The following MRPL21 variants were observed in gnomAD, a reference collection of about 807,000 sequenced individuals.
MRPL21 encodes mitochondrial ribosomal protein L21.
In MRPL21, 20 loss-of-function variants were observed where a neutral mutation model predicts 27.3. The observed-to-expected ratio is 0.73, with a 90% confidence interval of 0.52 to 1.06. The LOEUF is 1.06. Among genes scored for constraint, MRPL21 ranks in the 50% least tolerant of loss-of-function variants. The pLI, the probability that MRPL21 is intolerant of heterozygous loss-of-function variation, is 0.00. For synonymous variants in MRPL21, 98 were observed against 101.5 expected (o/e 0.97, Z 0.21); for missense variants, 249 against 251.4 (o/e 0.99, Z 0.06).
chr11:68,897,668 C>G (rs564872637), intron 3 of MRPL21: 2 of 534,772 alleles, frequency 3.7e-6, no homozygotes, highest in African/African-American at 3.8e-5. Context: ...CAGAAGCAGA[C>G]GAGATGGAGC....
In MRPL21 at chr11:68,894,430, A is replaced by C. The variant is rs1857734613; in HGVS notation, c.397-975T>G. ...TGAGTAGCTGGGACTACAGGCGCCC[A>C]CCACAAACCCCGGCTAATTTTTTTT... On this transcript the variant is annotated intron_variant, in intron 4 of 6. Coordinates refer to ENST00000362034, the MANE Select transcript of MRPL21 (RefSeq NM_181514.2). 3.3e-5 allele frequency among the ~76,000 whole-genome samples: 5 copies of C among 152,212 alleles called. No individual in the cohort carries two copies. In the South Asian group the frequency reaches 1.0e-3, roughly 32 times the overall value.
chr11:68,891,993 A>T, intron 6 of MRPL21: 4 of 950,384 alleles, frequency 4.2e-6, no homozygotes, highest in Non-Finnish European at 4.3e-6. Flanking sequence ...TTGCGGATTC[A>T]CTGCTGCTTT....
At chr11:68,896,053 T>A (rs1011606412) in intron 4 of MRPL21, among the ~76,000 whole-genome samples, 1 of 152,236 alleles carries the variant, frequency 6.6e-6, no homozygotes, top group Non-Finnish European at 1.5e-5. Context: ...TGTTTACTAT[T>A]TAAAAACAGC....
rs572977220 is a variant in MRPL21, at chr11:68,898,108, C to A, written c.147-96G>T. 6.1e-5 allele frequency: 63 copies of A among 1,030,428 alleles called. No homozygotes were observed. In the East Asian group the frequency reaches 1.5e-3, roughly 24 times the overall value. 63.8% of individuals were successfully genotyped at this position (1,030,428 alleles called of 1,614,324 possible). A position where few individuals can be genotyped will look rare whatever the true frequency, so the allele number is the denominator to read the frequency against. The stretch of plus-strand genomic sequence containing the variant: ...CCACACACAAATGTTAGGAAGGGAT[C>A]CCCGGCAACAAAAGGCTCGCTCTTT... On this transcript the variant is annotated intron_variant, in intron 2 of 6. Coordinates refer to ENST00000362034, the MANE Select transcript of MRPL21 (RefSeq NM_181514.2).
At position 68,900,460 on chromosome 11, in the gene MRPL21, G is replaced by C. The variant is rs557566044; in HGVS notation, c.146+88C>G. 1.4e-5 allele frequency: 17 copies of C among 1,187,522 alleles called. No homozygotes were observed. The Admixed American group carries it at 3.2e-4, about 22-fold the overall frequency. 73.6% of individuals were successfully genotyped at this position (1,187,522 alleles called of 1,614,324 possible). A position where few individuals can be genotyped will look rare whatever the true frequency, so the allele number is the denominator to read the frequency against. Reference sequence around the variant, plus strand: ...AAAGAGGAAATTTAAATATTATTGAGAACCAAAAGGTAGGAAGTTTTGACT... The same window carrying C: ...AAAGAGGAAATTTAAATATTATTGACAACCAAAAGGTAGGAAGTTTTGACT... On this transcript the variant is annotated intron_variant, in intron 2 of 6. Coordinates refer to ENST00000362034, the MANE Select transcript of MRPL21 (RefSeq NM_181514.2).
At chr11:68,899,572 G>A (rs988780848) in intron 2 of MRPL21, among the ~76,000 whole-genome samples, 12 of 152,202 alleles carry the variant, frequency 7.9e-5, no homozygotes, top group Non-Finnish European at 1.2e-4. Context: ...TCTACAAAAC[G>A]TCTTTGACCT....
chr11:68,903,710 TC>T lies in MRPL21; in HGVS notation c.88+12del. 6.2e-7 allele frequency: 1 copy of T among 1,613,008 alleles called. No homozygotes were observed. Among genetic ancestry groups the T allele is most frequent in the Non-Finnish European group, 8.5e-7 (1 of 1,179,832 alleles). ...CTCTGCGTCCTCCCTTCCTCCCATA[TC>T]CCAGGTCTCACCTGCTCCGGGCCCC... On this transcript the variant is annotated intron_variant, in intron 1 of 6. Transcript: ENST00000362034.
chr11:68,903,630 G>C, intron 1 of MRPL21, 93 bp downstream of exon 1: 1 of 1,302,980 alleles, frequency 7.7e-7, no homozygotes, highest in Non-Finnish European at 1.1e-6. Flanking sequence ...CAACACACAA[G>C]GCACCAGGTC....
chr11:68,898,566 AACCCCAG>A (rs1489760791), intron 2 of MRPL21, among the ~76,000 whole-genome samples: 2 of 152,212 alleles, frequency 1.3e-5, no homozygotes, highest in Non-Finnish European at 2.9e-5. Context: ...ACTGGCTCGG[AACCCCAG>A]ACAATTCTGT....
chr11:68,893,180 A>G (rs1857696264), intron 5 of MRPL21, 187 bp from the exon 6 acceptor site: 1 of 1,335,820 alleles, frequency 7.5e-7, no homozygotes, highest in African/African-American at 1.5e-5. Context: ...GTCTGAACAA[A>G]TCTTCAGAGG....
At chr11:68,893,044 A>G (rs1395333770) in intron 5 of MRPL21, 51 bp from the exon 6 acceptor site, 2 of 1,488,806 alleles carry the variant, frequency 1.3e-6, no homozygotes, top group African/African-American at 1.4e-5. Context: ...TATTTTTCAA[A>G]TGCCTTAGGT....
intron 4 of MRPL21, among the ~76,000 whole-genome samples, chr11:68,894,267 C>T (rs1566414557): frequency 6.6e-6 from 1 of 152,090 alleles, no homozygotes. Context: ...ATCTTTGCTT[C>T]CAAATGCAAC....
chr11:68,896,765 C>A (rs942452424), intron 3 of MRPL21, 87 bp from the exon 4 acceptor site: 7 of 1,556,290 alleles, frequency 4.5e-6, no homozygotes, highest in South Asian at 1.2e-5. Flanking sequence ...GGTGGTGGGG[C>A]CCTAGGGTGG....
At chr11:68,896,125 A>G (rs953761460) in intron 4 of MRPL21, among the ~76,000 whole-genome samples, 1 of 152,230 alleles carries the variant, frequency 6.6e-6, no homozygotes, top group Admixed American at 6.5e-5. Context: ...TTTTTTCCTC[A>G]TAGACAGGGG....
chr11:68,897,915 G>C lies in MRPL21; in HGVS notation c.232+12C>G. Reference sequence around the variant, plus strand: ...GGTGCCCTCTAGCTTCTGTCTCCCAGGGAGGTCTTACCTGCATGGTGTCTG... The same window carrying C: ...GGTGCCCTCTAGCTTCTGTCTCCCACGGAGGTCTTACCTGCATGGTGTCTG... On this transcript the variant is annotated intron_variant, in intron 3 of 6. Coordinates refer to ENST00000362034, the MANE Select transcript of MRPL21 (RefSeq NM_181514.2). 1 of 1,610,666 alleles carries C rather than the reference G, an allele frequency of 6.2e-7. No homozygotes were observed. The highest frequency in any genetic ancestry group is 1.3e-5 in the African/African-American group (1 of 74,982).
At position 68,897,986 on chromosome 11, in the gene MRPL21, G is replaced by A. The variant is rs1313700004; in HGVS notation, c.173C>T (p.Ser58Leu). 1 of 1,614,028 alleles carries A rather than the reference G, an allele frequency of 6.2e-7. No individual in the cohort carries two copies. Among genetic ancestry groups the A allele is most frequent in the African/African-American group, 1.3e-5 (1 of 74,924 alleles). ...CAGAACAACTTCTGGCCAAGGTGGTGAACTCAGGGATGTTTTAGGAACATA... is the reference window on the plus strand; with the variant it reads ...CAGAACAACTTCTGGCCAAGGTGGTAAACTCAGGGATGTTTTAGGAACATA... ...PGYVPKTSLS[S>L]PPWPEVVLPD... is the part of the protein sequence containing the mutation. Residue 58 changes from serine (S) to leucine (L), a missense_variant, in exon 3 of 7, where the codon TCA (serine) becomes TTA (leucine). By Grantham distance (145) the Ser-to-Leu change is moderately radical (BLOSUM62 -2). Transcript: ENST00000362034.
intron 2 of MRPL21, 24 bp downstream of exon 2, chr11:68,900,524 C>G (rs574307329): frequency 6.2e-7 from 1 of 1,608,216 alleles, no homozygotes; most frequent in African/African-American, 1.3e-5. Context: ...AAAAGAGGCA[C>G]CAAAACCCAC....
intron 4 of MRPL21, among the ~76,000 whole-genome samples, chr11:68,895,688 TGA>T (rs1857769434): frequency 6.6e-6 from 1 of 152,180 alleles, no homozygotes; most frequent in Non-Finnish European, 1.5e-5. Context: ...CAGTTTTTTT[TGA>T]GACAGGGTCT....
rs768274589 is a variant in MRPL21 at position 68,896,642 on chromosome 11, C to T, written c.269G>A (p.Gly90Glu). 4 of 1,614,210 alleles carry T rather than the reference C, an allele frequency of 2.5e-6. No homozygotes were observed. The highest frequency in any genetic ancestry group is 3.4e-6 in the Non-Finnish European group (4 of 1,180,038). The stretch of plus-strand genomic sequence containing the variant: ...CACGGCAAAGAGCCTGCCATACTGC[C>T]CCGTGACGATCATCTCATTCACCTT... ...VKKVNEMIVT[G>E]QYGRLFAVVH... The change falls in exon 4 of 7, where the codon GGG becomes GAG. Residue 90 changes from glycine (G) to glutamate (E), a missense_variant. Coordinates refer to ENST00000362034, the MANE Select transcript of MRPL21 (RefSeq NM_181514.2).
Sources: allele counts gnomAD v4.1 joint callset (sites outside exome capture counted in the v4.1 genomes callset), GRCh38; gene constraint gnomAD v4.1.1; transcripts MANE v1.5; gene names NCBI Gene and HGNC (gene_info 2026-07-23, HGNC 2026-07-21).